Variants in AKAP13 observed in about 807,000 individuals in gnomAD.
AKAP13 encodes A-kinase anchor protein 13.
AKAP13 carries 80 observed loss-of-function variants against 264.5 expected under a neutral mutation model. That is an observed-to-expected ratio of 0.30 (90% CI 0.25 to 0.36). The LOEUF is 0.36. Among genes scored for constraint, AKAP13 ranks in the 10% least tolerant of loss-of-function variants. AKAP13 has a pLI of 1.00. For missense variants in AKAP13, 3,712 were observed against 3,435.2 expected (o/e 1.08, Z -2.01); for synonymous variants, 1,380 against 1,250.2 (o/e 1.10, Z -2.19).
At chr15:85,679,524 G>A (rs760898209) in intron 14 of AKAP13, among the ~76,000 whole-genome samples, 10 of 152,286 alleles carry the variant, frequency 6.6e-5, no homozygotes, top group East Asian at 1.9e-4. Flanking sequence ...AAATGCTAAC[G>A]TTGTGTTACG....
Position 85,407,402 on chromosome 15 carries a change from A to T in AKAP13, c.-12+26604A>T, listed in dbSNP as rs949042965. The stretch of plus-strand genomic sequence containing the variant: ...GCTGCCATGCCTGGCTAATTTTTTT[A>T]AAATTTTTTTTATTTTTAGTAGAGA... On this transcript the variant is annotated intron_variant, in intron 1 of 36. Transcript: ENST00000394518. Among the ~76,000 whole-genome samples, 13 of 151,364 alleles carry T rather than the reference A, an allele frequency of 8.6e-5. No individual in the cohort carries two copies. In the East Asian group the frequency reaches 1.6e-3, roughly 18 times the overall value.
chr15:85,417,890 T>C (rs2072316543), intron 1 of AKAP13, among the ~76,000 whole-genome samples: 3 of 152,154 alleles, frequency 2.0e-5, no homozygotes, highest in South Asian at 4.1e-4. Flanking sequence ...AGTAGAAGTA[T>C]AATATCAGCC....
intron 12 of AKAP13, among the ~76,000 whole-genome samples, chr15:85,659,384 C>G (rs1439395891): frequency 6.6e-6 from 1 of 152,090 alleles, no homozygotes; most frequent in Non-Finnish European, 1.5e-5. Flanking sequence ...ATTAGCTGAA[C>G]CTGTTTGTTG....
intron 1 of AKAP13, among the ~76,000 whole-genome samples, chr15:85,419,927 T>G (rs1488408727): frequency 6.1e-5 from 9 of 146,824 alleles, no homozygotes; most frequent in African/African-American, 2.2e-4. Context: ...TGTCTGAATC[T>G]GACTCTTGTT....
At position 85,581,347 on chromosome 15, in the gene AKAP13, G is replaced by A; in HGVS notation, c.3279G>A (p.Gly1093=). ...VSGDVTVDVT[G]VNALQGMAEP... is the part of the protein sequence containing the mutation. ...GAGATGTGACGGTGGATGTTACAGG[G>A]GTTAATGCTCTACAAGGTATGGCTG... The change falls in exon 7 of 37, where the codon GGG becomes GGA. Residue 1093 remains glycine (G), a synonymous_variant. Coordinates refer to ENST00000394518, the MANE Select transcript of AKAP13 (RefSeq NM_007200.5). 1 of 1,614,172 alleles carries A rather than the reference G, an allele frequency of 6.2e-7. No homozygotes were observed. Among genetic ancestry groups the A allele is most frequent in the South Asian group, 1.1e-5 (1 of 91,088 alleles).
intron 5 of AKAP13, among the ~76,000 whole-genome samples, chr15:85,568,762 A>T (rs1216763605): frequency 6.6e-6 from 1 of 152,254 alleles, no homozygotes; most frequent in Non-Finnish European, 1.5e-5. Flanking sequence ...ATACAGGCAC[A>T]CATGTATTTC....
chr15:85,743,811 G>A lies in AKAP13; in HGVS notation c.8378G>A (p.Arg2793His), dbSNP rs368581372. 19 of 1,610,208 alleles carry A rather than the reference G, an allele frequency of 1.2e-5. No individual in the cohort carries two copies. The highest frequency in any genetic ancestry group is 1.7e-4 in the Middle Eastern group (1 of 5,768). Residue 2793 changes from arginine to histidine, a missense_variant, in exon 36 of 37, where the codon CGC (arginine) becomes CAC (histidine). By Grantham distance (29) the Arg-to-His change is conservative. Transcript: ENST00000394518. ...AAAAAAAAGAAGAACAAAACCAGCC[G>A]CTCTCAGCCCGGTGGTGAGTCACGC... ...KEKKKKNKTS[R>H]SQPGDGPASE...
chr15:85,728,560 A>G (rs931692113), intron 29 of AKAP13, among the ~76,000 whole-genome samples: 16 of 152,248 alleles, frequency 1.1e-4, no homozygotes, highest in African/African-American at 3.9e-4. Flanking sequence ...ACATACATCA[A>G]TGATGGGCCA....
chr15:85,693,558 G>T (rs937536566), intron 17 of AKAP13, 107 bp downstream of exon 17: 1 of 1,503,820 alleles, frequency 6.6e-7, no homozygotes, highest in Non-Finnish European at 8.9e-7. Flanking sequence ...TTTATGTGGA[G>T]AAGTAACCCT....
chr15:85,666,804 A>G, intron 13 of AKAP13, among the ~76,000 whole-genome samples: 1 of 152,236 alleles, frequency 6.6e-6, no homozygotes, highest in East Asian at 1.9e-4. Flanking sequence ...ATGGATTTCC[A>G]TGTCAGCCAA....
chr15:85,557,481 T>G (rs760196617), intron 5 of AKAP13, among the ~76,000 whole-genome samples: 5 of 152,186 alleles, frequency 3.3e-5, no homozygotes, highest in Admixed American at 3.3e-4. Flanking sequence ...GTGGTTTTTT[T>G]TGTGTTTTGT....
At chr15:85,735,487 C>T (rs2088392167) in intron 31 of AKAP13, 73 bp from the exon 32 acceptor site, 1 of 1,483,692 alleles carries the variant, frequency 6.7e-7, no homozygotes, top group African/African-American at 1.4e-5. Flanking sequence ...CCCAAGATGC[C>T]TATATGATAT....
In AKAP13 at chr15:85,543,840, C is replaced by T; in HGVS notation, c.547C>T (p.Leu183=). The T allele has an allele frequency of 6.2e-7, 1 of 1,614,112 alleles. No homozygotes were observed. Among genetic ancestry groups the T allele is most frequent in the Non-Finnish European group, 8.5e-7 (1 of 1,179,980 alleles). Residue 183 remains leucine, a synonymous_variant, in exon 5 of 37, where the codon CTG becomes TTG. Coordinates refer to ENST00000394518, the MANE Select transcript of AKAP13 (RefSeq NM_007200.5). ...GGGACTGCTGAGGTTGACGTGGTTC[C>T]TGTTGCAGAAGCCAGGTGGCCGCGG... ...RLGLLRLTWF[L]LQKPGGRGAL...
At chr15:85,485,674 T>C (rs375272139) in intron 1 of AKAP13, 36 bp from the exon 2 acceptor site, 15 of 1,601,746 alleles carry the variant, frequency 9.4e-6, no homozygotes, top group Admixed American at 5.0e-5. Flanking sequence ...GTGACAACTT[T>C]TAATTTTATT....
At chr15:85,712,846 C>A (rs1847064310) in intron 19 of AKAP13, among the ~76,000 whole-genome samples, 1 of 152,108 alleles carries the variant, frequency 6.6e-6, no homozygotes, top group Non-Finnish European at 1.5e-5. Context: ...ACCTGGCCCT[C>A]CCACAAATAT....
At chr15:85,479,349 A>G (rs1368165323) in intron 1 of AKAP13, among the ~76,000 whole-genome samples, 3 of 152,218 alleles carry the variant, frequency 2.0e-5, no homozygotes, top group Non-Finnish European at 4.4e-5. Flanking sequence ...AAGAATCCAA[A>G]GTATGCATTG....
At chr15:85,703,061 GGTT>G (rs1314391372) in intron 17 of AKAP13, among the ~76,000 whole-genome samples, 1 of 152,122 alleles carries the variant, frequency 6.6e-6, no homozygotes, top group Non-Finnish European at 1.5e-5. Flanking sequence ...TTTTGTGGTA[GGTT>G]GTTTCTTTTA....
In AKAP13 at chr15:85,695,233, C is replaced by G. The variant is rs555548842; in HGVS notation, c.5464+1782C>G. 2.0e-5 allele frequency among the ~76,000 whole-genome samples: 3 copies of G among 152,258 alleles called. No individual in the cohort carries two copies. In the South Asian group the frequency reaches 6.2e-4, roughly 32 times the overall value. Reference sequence around the variant, plus strand: ...CAGCCTGGCCAACATGGCGAAACCCCGTCTCTACTAAAAATACAAAGTTAG... The same window carrying G: ...CAGCCTGGCCAACATGGCGAAACCCGGTCTCTACTAAAAATACAAAGTTAG... On this transcript the variant is annotated intron_variant, in intron 17 of 36. Coordinates refer to ENST00000394518, the MANE Select transcript of AKAP13 (RefSeq NM_007200.5).
chr15:85,598,364 G>C (rs1404448043), intron 8 of AKAP13, among the ~76,000 whole-genome samples: 1 of 152,168 alleles, frequency 6.6e-6, no homozygotes, highest in Non-Finnish European at 1.5e-5. Context: ...TCTCTAAGAG[G>C]CTCAGGAATT....
Sources: gnomAD v4.1 joint callset for allele counts (sites outside exome capture counted in the v4.1 genomes callset) on GRCh38, gnomAD v4.1.1 for gene constraint, MANE v1.5 for transcripts, NCBI Gene and HGNC (gene_info 2026-07-23, HGNC 2026-07-21) for gene names.